The following ZNRF3 variants were observed in gnomAD, a reference collection of about 807,000 sequenced individuals.
ZNRF3 encodes E3 ubiquitin-protein ligase ZNRF3.
In ZNRF3, 23 loss-of-function variants were observed where a neutral mutation model predicts 72.5. The ratio of observed to expected loss-of-function variants is 0.32; its 90% CI spans 0.23 to 0.45. The LOEUF (loss-of-function observed/expected upper bound fraction) is 0.45, where lower values mean the gene tolerates loss of function less well. Ranked by LOEUF, ZNRF3 falls within the 20% of genes least tolerant of loss-of-function variation. The pLI, the probability that ZNRF3 is intolerant of heterozygous loss-of-function variation, is 1.00. For synonymous variants in ZNRF3, 610 were observed against 545.3 expected (o/e 1.12, Z -1.65); for missense variants, 1,169 against 1,272.1 (o/e 0.92, Z 1.23).
intron 2 of ZNRF3, among the ~76,000 whole-genome samples, chr22:29,033,350 CAAAAAAAAAAAA>C (rs60310622): frequency 1.5e-5 from 1 of 66,154 alleles, no homozygotes; most frequent in Non-Finnish European, 2.7e-5. Context: ...GACTCCATCT[CAAAAAAAAAAAA>C]AAAAAAAAAA....
At chr22:28,902,235 C>A (rs1182202975) in intron 1 of ZNRF3, among the ~76,000 whole-genome samples, 1 of 152,176 alleles carries the variant, frequency 6.6e-6, no homozygotes, top group Non-Finnish European at 1.5e-5. Context: ...CCGCGCTTGG[C>A]AAGTTAACTT....
chr22:28,984,545 G>A (rs1301552391), intron 1 of ZNRF3, among the ~76,000 whole-genome samples: 2 of 152,170 alleles, frequency 1.3e-5, no homozygotes, highest in African/African-American at 4.8e-5. Flanking sequence ...ACCAAAAGCA[G>A]CCATTCATCT....
chr22:28,902,646 A>C (rs942855827), intron 1 of ZNRF3, among the ~76,000 whole-genome samples: 5 of 152,202 alleles, frequency 3.3e-5, no homozygotes, highest in Admixed American at 2.6e-4. Context: ...GTCTGGAGCC[A>C]GACAGCTTGG....
chr22:28,884,317 C>T (rs892832942), intron 1 of ZNRF3, among the ~76,000 whole-genome samples: 2 of 152,114 alleles, frequency 1.3e-5, no homozygotes, highest in Non-Finnish European at 1.5e-5. Context: ...CATCCTGGGC[C>T]CGGCACCCAT....
At chr22:29,051,631 A>G (rs1405078711) in intron 8 of ZNRF3, among the ~76,000 whole-genome samples, 1 of 147,162 alleles carries the variant, frequency 6.8e-6, no homozygotes, top group Non-Finnish European at 1.5e-5. Flanking sequence ...AAAAGGCAGG[A>G]CCCAGTGGCT....
intron 1 of ZNRF3, among the ~76,000 whole-genome samples, chr22:28,890,250 C>G (rs1409480625): frequency 6.6e-6 from 1 of 152,156 alleles, no homozygotes. Flanking sequence ...CCTGTAATCC[C>G]AACACTTTGG....
At chr22:29,016,362 C>A (rs906751559) in intron 2 of ZNRF3, among the ~76,000 whole-genome samples, 1 of 152,174 alleles carries the variant, frequency 6.6e-6, no homozygotes, top group Non-Finnish European at 1.5e-5. Flanking sequence ...GGAAACAAGG[C>A]TTTGCTGGGG....
chr22:28,968,046 C>T (rs2035506688), intron 1 of ZNRF3, among the ~76,000 whole-genome samples: 1 of 151,958 alleles, frequency 6.6e-6, no homozygotes, highest in South Asian at 2.1e-4. Flanking sequence ...CTTCATCTTT[C>T]TGAATAGGGT....
At chr22:28,946,288 CTG>C (rs1316079050) in intron 1 of ZNRF3, among the ~76,000 whole-genome samples, 1 of 152,160 alleles carries the variant, frequency 6.6e-6, no homozygotes, top group Non-Finnish European at 1.5e-5. Flanking sequence ...TGACTTTTCT[CTG>C]TGTTTCTTCT....
chr22:28,937,172 A>AT (rs1229064606), intron 1 of ZNRF3, among the ~76,000 whole-genome samples: 2 of 106,218 alleles, frequency 1.9e-5, no homozygotes, highest in African/African-American at 9.9e-5. Flanking sequence ...CTTCTCTCTT[A>AT]TAATATATAT....
At chr22:28,951,142 A>T (rs1266198309) in intron 1 of ZNRF3, among the ~76,000 whole-genome samples, 1 of 152,216 alleles carries the variant, frequency 6.6e-6, no homozygotes, top group Non-Finnish European at 1.5e-5. Flanking sequence ...GATACTGAAG[A>T]ATGAAAATGC....
At chr22:28,967,595 C>T (rs1337325832) in intron 1 of ZNRF3, among the ~76,000 whole-genome samples, 1 of 152,120 alleles carries the variant, frequency 6.6e-6, no homozygotes, top group Admixed American at 6.5e-5. Flanking sequence ...TGGGCTGTTT[C>T]ACTGCGACAT....
At chr22:29,017,288 T>C (rs1172753581) in intron 2 of ZNRF3, among the ~76,000 whole-genome samples, 3 of 152,234 alleles carry the variant, frequency 2.0e-5, no homozygotes, top group Non-Finnish European at 4.4e-5. Flanking sequence ...AAGCCCCAGC[T>C]GCCTAGAAGT....
chr22:28,967,056 A>AT (rs1324359152), intron 1 of ZNRF3, among the ~76,000 whole-genome samples: 4 of 151,494 alleles, frequency 2.6e-5, no homozygotes. Context: ...ATTTTTTCGT[A>AT]TTTTTAGTAG....
chr22:28,964,487 GA>G (rs1194544893), intron 1 of ZNRF3, among the ~76,000 whole-genome samples: 1 of 152,212 alleles, frequency 6.6e-6, no homozygotes, highest in East Asian at 1.9e-4. Flanking sequence ...CAACATCCTC[GA>G]GTGTATCCAG....
At chr22:28,961,633 CTACTT>C (rs1409440779) in intron 1 of ZNRF3, among the ~76,000 whole-genome samples, 8 of 152,158 alleles carry the variant, frequency 5.3e-5, no homozygotes, top group African/African-American at 1.2e-4. Context: ...ACTCTTTAGT[CTACTT>C]TACCTTTTCC....
At chr22:28,901,515 A>G (rs901805699) in intron 1 of ZNRF3, among the ~76,000 whole-genome samples, 4 of 151,942 alleles carry the variant, frequency 2.6e-5, no homozygotes, top group African/African-American at 9.7e-5. Flanking sequence ...GTGTGTAAGT[A>G]GTTTAGTATG....
rs11912395 is a variant in ZNRF3, at chr22:28,991,308, A to G, written c.426+4107A>G. On this transcript the variant is annotated intron_variant, in intron 2 of 8. Transcript: ENST00000544604. ...AAAAAAAAAAAAAAAAAAAAAAAAA[A>G]AAAGAAGAACAGTATGGTCAATAGG... Among the ~76,000 whole-genome samples, 133 of 130,924 alleles carry G rather than the reference A, an allele frequency of 1.0e-3. 1 individual carries two copies. Among genetic ancestry groups the G allele is most frequent in the African/African-American group, 3.7e-3 (127 of 34,408 alleles). The allele number at this position is 130,924 out of a possible 152,430, so 85.9% of individuals were successfully genotyped here. A position where few individuals can be genotyped will look rare whatever the true frequency, so the allele number is the denominator to read the frequency against.
chr22:28,994,267 A>G (rs565214378), intron 2 of ZNRF3, among the ~76,000 whole-genome samples: 1 of 131,726 alleles, frequency 7.6e-6, no homozygotes, highest in South Asian at 2.5e-4. Flanking sequence ...GCTCACTGCA[A>G]CCTCCGCCTC....
Sources: gnomAD v4.1 joint callset for allele counts (sites outside exome capture counted in the v4.1 genomes callset) on GRCh38, gnomAD v4.1.1 for gene constraint, MANE v1.5 for transcripts, NCBI Gene and HGNC (gene_info 2026-07-23, HGNC 2026-07-21) for gene names.